The following TXNDC5 variants were observed in gnomAD, a reference collection of about 807,000 sequenced individuals.
TXNDC5 encodes the protein thioredoxin domain-containing protein 5.
Under a neutral mutation model 52.6 loss-of-function variants are expected in TXNDC5, and 44 were observed. The observed-to-expected ratio is 0.84, with a 90% CI of 0.66 to 1.08. The LOEUF is 1.08. Ranked by LOEUF, TXNDC5 falls within the 50% of genes least tolerant of loss-of-function variation. The pLI, the probability that TXNDC5 is intolerant of heterozygous loss-of-function variation, is 0.00. For missense variants in TXNDC5, 600 were observed against 565.5 expected (o/e 1.06, Z -0.62); for synonymous variants, 241 against 234.4 (o/e 1.03, Z -0.26).
intron 9 of TXNDC5, 80 bp downstream of exon 9, chr6:7,884,279 G>A: frequency 1.3e-6 from 2 of 1,572,806 alleles, no homozygotes; most frequent in South Asian, 1.1e-5. Context: ...AGCAGAGTGA[G>A]TTATCGTGGT....
At chr6:7,909,868 T>C in intron 1 of TXNDC5, 1 of 986,020 alleles carries the variant, frequency 1.0e-6, no homozygotes, top group Non-Finnish European at 1.2e-6. Flanking sequence ...GCCCGCAGTC[T>C]GTCCCAGCCG....
At chr6:7,900,118 C>G (rs1760513074) in intron 2 of TXNDC5, 1 of 152,780 alleles carries the variant, frequency 6.5e-6, no homozygotes, top group Non-Finnish European at 1.5e-5. Context: ...GGCAGGTATT[C>G]AACTCTTACA....
intron 9 of TXNDC5, 83 bp downstream of exon 9, chr6:7,884,276 T>G: frequency 3.9e-6 from 6 of 1,555,352 alleles, no homozygotes; most frequent in Non-Finnish European, 5.3e-6. Flanking sequence ...GAGAGCAGAG[T>G]GAGTTATCGT....
intron 7 of TXNDC5, among the ~76,000 whole-genome samples, chr6:7,887,964 C>A (rs1760057698): frequency 6.6e-6 from 1 of 152,142 alleles, no homozygotes; most frequent in Non-Finnish European, 1.5e-5. Flanking sequence ...CATTTGCCCC[C>A]ACTTCTCTCT....
chr6:7,889,076 A>C (rs903103976), intron 6 of TXNDC5: 32 of 549,882 alleles, frequency 5.8e-5, no homozygotes, highest in Non-Finnish European at 8.8e-5. Flanking sequence ...GTTACACATC[A>C]CAGAAGTCTG....
chr6:7,896,634 C>T (rs1469862648), intron 3 of TXNDC5, among the ~76,000 whole-genome samples: 1 of 152,168 alleles, frequency 6.6e-6, no homozygotes, highest in Non-Finnish European at 1.5e-5. Context: ...TGCTAAATAC[C>T]CACACAAAAC....
chr6:7,898,805 A>G (rs768129203), intron 3 of TXNDC5, among the ~76,000 whole-genome samples: 7 of 152,164 alleles, frequency 4.6e-5, no homozygotes, highest in Non-Finnish European at 8.8e-5. Context: ...AAGACTTCCA[A>G]CATCAACTGG....
Position 7,888,867 on chromosome 6 carries a change from C to T in TXNDC5, c.820-19G>A, listed in dbSNP as rs555660576. 2.6e-5 allele frequency: 42 copies of T among 1,591,700 alleles called. No individual in the cohort carries two copies. Among genetic ancestry groups the T allele is most frequent in the Non-Finnish European group, 3.3e-5 (38 of 1,168,068 alleles). On this transcript the variant is annotated intron_variant, in intron 6 of 9. Transcript: ENST00000379757. The stretch of plus-strand genomic sequence containing the variant: ...GATCCACCTGGCCAAGACACGGGCA[C>T]GCGGCTGAGTGAGTCCACTGAGGTG...
chr6:7,895,054 G>A (rs1022416616), intron 4 of TXNDC5, 52 bp downstream of exon 4: 12 of 1,580,436 alleles, frequency 7.6e-6, no homozygotes, highest in East Asian at 4.6e-5. Flanking sequence ...AGCCCAGCAC[G>A]CCAAGGAATA....
chr6:7,896,724 A>G (rs577861030), intron 3 of TXNDC5, among the ~76,000 whole-genome samples: 1 of 152,332 alleles, frequency 6.6e-6, no homozygotes, highest in South Asian at 2.1e-4. Flanking sequence ...GCCACTCTCC[A>G]TGAGATGTTC....
chr6:7,904,345 T>A (rs1163179541), intron 2 of TXNDC5, among the ~76,000 whole-genome samples: 1 of 152,124 alleles, frequency 6.6e-6, no homozygotes, highest in Non-Finnish European at 1.5e-5. Flanking sequence ...ATTTTTCTCT[T>A]GCAAACACAT....
chr6:7,892,372 G>A (rs1162190060), intron 4 of TXNDC5, among the ~76,000 whole-genome samples: 1 of 152,230 alleles, frequency 6.6e-6, no homozygotes, highest in Non-Finnish European at 1.5e-5. Flanking sequence ...AGCTCTACAG[G>A]TCAAACCACC....
chr6:7,900,864 C>T (rs1330709686), intron 2 of TXNDC5, among the ~76,000 whole-genome samples: 1 of 152,132 alleles, frequency 6.6e-6, no homozygotes, highest in Non-Finnish European at 1.5e-5. Flanking sequence ...ACCCTAATAA[C>T]CTGCTCCCTC....
intron 1 of TXNDC5, among the ~76,000 whole-genome samples, chr6:7,906,038 A>C (rs1581330131): frequency 1.3e-5 from 2 of 151,580 alleles, no homozygotes; most frequent in South Asian, 4.2e-4. Context: ...CCAGGGGTTC[A>C]AGACTGGCCT....
chr6:7,898,712 G>A (rs536567539), intron 3 of TXNDC5, among the ~76,000 whole-genome samples: 3 of 152,252 alleles, frequency 2.0e-5, no homozygotes, highest in Non-Finnish European at 4.4e-5. Flanking sequence ...AGGGACCTGA[G>A]CACTCGGCAT....
chr6:7,887,490 C>G (rs2113324353), intron 7 of TXNDC5, among the ~76,000 whole-genome samples: 1 of 103,364 alleles, frequency 9.7e-6, no homozygotes, highest in Middle Eastern at 4.1e-3. Flanking sequence ...TCGCCTCGGA[C>G]CCTCCCTCCC....
rs755423551 is a variant in TXNDC5, at chr6:7,884,332, CCCATAAGCAT to C, written c.1176+17_1176+26del. On this transcript the variant is annotated intron_variant, in intron 9 of 9. Transcript: ENST00000379757. ...GGGATCTGCCCCCATACTGAGAGCTCCCATAAGCATCCATCCAAGTACCCACCGAATACTT... is the reference window on the plus strand; with the variant it reads ...GGGATCTGCCCCCATACTGAGAGCTCCCATCCAAGTACCCACCGAATACTT... 2 of 1,613,364 alleles carry C rather than the reference CCCATAAGCAT, an allele frequency of 1.2e-6. No homozygotes were observed. The highest frequency in any genetic ancestry group is 1.7e-6 in the Non-Finnish European group (2 of 1,179,674).
chr6:7,906,452 C>T (rs1205041652), intron 1 of TXNDC5, among the ~76,000 whole-genome samples: 1 of 142,472 alleles, frequency 7.0e-6, no homozygotes, highest in Non-Finnish European at 1.5e-5. Flanking sequence ...AGGAGAATCG[C>T]TTGAACCCGG....
Position 7,888,717 on chromosome 6 carries a change from G to A in TXNDC5, c.951C>T (p.Pro317=), listed in dbSNP as rs140645336. The A allele has an allele frequency of 3.1e-4, 506 of 1,611,862 alleles. 2 individuals carry two copies. The Middle Eastern group carries it at 5.3e-3, about 17-fold the overall frequency. The change falls in exon 7 of 10, where the codon CCC becomes CCT. Residue 317 remains proline, a synonymous_variant. Transcript: ENST00000379757. The part of the protein sequence containing the change: ...PSEAPVLAAE[P]EADKGTVLAL... ...AGCAGGCACCCACCTTGTCAGCCTC[G>A]GGCTCAGCTGCCAGCACCGGGGCCT...
Sources: gnomAD v4.1 joint callset for allele counts (sites outside exome capture counted in the v4.1 genomes callset) on GRCh38, gnomAD v4.1.1 for gene constraint, MANE v1.5 for transcripts, NCBI Gene and HGNC (gene_info 2026-07-23, HGNC 2026-07-21) for gene names.